Variants in LHFPL3 observed in about 807,000 individuals in gnomAD.
LHFPL3 encodes the protein LHFPL tetraspan subfamily member 3.
In LHFPL3, 5 loss-of-function variants were observed where a neutral mutation model predicts 19.3. That is an observed-to-expected ratio of 0.26 (90% CI 0.14 to 0.54). LHFPL3 has a LOEUF of 0.54. Among genes scored for constraint, LHFPL3 ranks in the 20% least tolerant of loss-of-function variants. LHFPL3 has a pLI of 0.94. For missense variants in LHFPL3, 249 were observed against 307.4 expected (o/e 0.81, Z 1.42); for synonymous variants, 133 against 126.2 (o/e 1.05, Z -0.36).
At chr7:104,516,136 G>A (rs889723268) in intron 1 of LHFPL3, among the ~76,000 whole-genome samples, 1 of 152,098 alleles carries the variant, frequency 6.6e-6, no homozygotes, top group Non-Finnish European at 1.5e-5. Flanking sequence ...GAGGCCTCAG[G>A]AAACTTACAA....
At chr7:104,821,748 T>G (rs988495193) in intron 2 of LHFPL3, among the ~76,000 whole-genome samples, 1 of 152,184 alleles carries the variant, frequency 6.6e-6, no homozygotes, top group African/African-American at 2.4e-5. Flanking sequence ...CAGTCAAAGT[T>G]TCTAGACTTG....
At chr7:104,869,865 G>C (rs1791798595) in intron 2 of LHFPL3, among the ~76,000 whole-genome samples, 1 of 152,132 alleles carries the variant, frequency 6.6e-6, no homozygotes. Flanking sequence ...TGGTAGACTG[G>C]ATTAAGAAAA....
intron 1 of LHFPL3, among the ~76,000 whole-genome samples, chr7:104,700,829 G>A (rs373381090): frequency 2.7e-4 from 41 of 151,970 alleles, no homozygotes; most frequent in African/African-American, 8.7e-4. Flanking sequence ...AGCATTGATC[G>A]CAGTATCTAT....
chr7:104,609,328 A>T (rs189361159), intron 1 of LHFPL3, among the ~76,000 whole-genome samples: 1 of 152,200 alleles, frequency 6.6e-6, no homozygotes, highest in Non-Finnish European at 1.5e-5. Flanking sequence ...GGGGATTTAA[A>T]CTCCTGTATT....
chr7:104,852,991 G>A (rs1333307841), intron 2 of LHFPL3, among the ~76,000 whole-genome samples: 1 of 152,202 alleles, frequency 6.6e-6, no homozygotes, highest in African/African-American at 2.4e-5. Flanking sequence ...GCCCGAGGCA[G>A]GAGTTTGGGC....
chr7:104,795,450 G>A (rs13243476), intron 2 of LHFPL3, among the ~76,000 whole-genome samples: 23,819 of 152,050 alleles, frequency 0.16, 2,244 homozygotes, highest in East Asian at 0.46. Context: ...TTAAGACAGC[G>A]ATTCTTCTAA....
intron 1 of LHFPL3, among the ~76,000 whole-genome samples, chr7:104,552,799 T>C (rs1794687957): frequency 6.6e-6 from 1 of 152,208 alleles, no homozygotes; most frequent in African/African-American, 2.4e-5. Flanking sequence ...ATGAAGAAAA[T>C]TGCTATCTCC....
chr7:104,329,483 G>C (rs1419861866), intron 1 of LHFPL3, among the ~76,000 whole-genome samples: 1 of 152,276 alleles, frequency 6.6e-6, no homozygotes, highest in African/African-American at 2.4e-5. Context: ...GGACGCCCCG[G>C]AGGCAGGGCG....
At chr7:104,559,588 G>A (rs1047994607) in intron 1 of LHFPL3, among the ~76,000 whole-genome samples, 26 of 152,172 alleles carry the variant, frequency 1.7e-4, no homozygotes, top group African/African-American at 3.4e-4. Context: ...GGGCTGAGAC[G>A]ATGGGGTTTT....
At chr7:104,775,629 A>T (rs1195156076) in intron 2 of LHFPL3, among the ~76,000 whole-genome samples, 1 of 152,184 alleles carries the variant, frequency 6.6e-6, no homozygotes, top group Non-Finnish European at 1.5e-5. Context: ...ATACCCTCTC[A>T]TGCCAGACTG....
intron 1 of LHFPL3, among the ~76,000 whole-genome samples, chr7:104,720,640 C>A (rs555165060): frequency 6.6e-6 from 1 of 152,116 alleles, no homozygotes; most frequent in African/African-American, 2.4e-5. Context: ...GCAATCTACT[C>A]ATCTGACAAA....
At chr7:104,695,596 T>C (rs1249628869) in intron 1 of LHFPL3, among the ~76,000 whole-genome samples, 1 of 152,210 alleles carries the variant, frequency 6.6e-6, no homozygotes, top group East Asian at 1.9e-4. Context: ...TGCATCTGTG[T>C]GTTTTAGACC....
intron 2 of LHFPL3, among the ~76,000 whole-genome samples, chr7:104,789,315 GA>G (rs375967518): frequency 5.3e-5 from 8 of 152,232 alleles, no homozygotes; most frequent in African/African-American, 1.9e-4. Flanking sequence ...GTGAGTATAA[GA>G]AGAGAACCTA....
intron 2 of LHFPL3, among the ~76,000 whole-genome samples, chr7:104,760,195 A>G (rs1252941190): frequency 1.3e-5 from 2 of 152,190 alleles, no homozygotes; most frequent in Non-Finnish European, 2.9e-5. Flanking sequence ...CCCCTGCTGT[A>G]TAGACTGAAT....
intron 1 of LHFPL3, among the ~76,000 whole-genome samples, chr7:104,387,033 C>A (rs920123769): frequency 1.3e-5 from 2 of 151,944 alleles, no homozygotes; most frequent in Non-Finnish European, 2.9e-5. Flanking sequence ...CCAGAGGAAG[C>A]CAAAATGTTG....
At chr7:104,593,552 G>C (rs36171167) in intron 1 of LHFPL3, among the ~76,000 whole-genome samples, 1 of 152,160 alleles carries the variant, frequency 6.6e-6, no homozygotes, top group South Asian at 2.1e-4. Flanking sequence ...ATGTCTATTA[G>C]GTCTGCTTGG....
chr7:104,470,765 A>G (rs1396178946), intron 1 of LHFPL3, among the ~76,000 whole-genome samples: 2 of 152,152 alleles, frequency 1.3e-5, no homozygotes, highest in African/African-American at 2.4e-5. Context: ...AAGCTCCAAC[A>G]TGACTACATG....
chr7:104,371,423 G>A (rs143713880), intron 1 of LHFPL3, among the ~76,000 whole-genome samples: 3 of 152,204 alleles, frequency 2.0e-5, no homozygotes, highest in African/African-American at 7.2e-5. Flanking sequence ...TTCTCTCATG[G>A]CAACAGGCTA....
At chr7:104,704,761 A>T (rs1280355485) in intron 1 of LHFPL3, among the ~76,000 whole-genome samples, 1 of 151,752 alleles carries the variant, frequency 6.6e-6, no homozygotes, top group Non-Finnish European at 1.5e-5. Context: ...TCAGCCTCCC[A>T]TGTAGCTGGG....
Sources: gnomAD v4.1 joint callset for allele counts (sites outside exome capture counted in the v4.1 genomes callset) on GRCh38, gnomAD v4.1.1 for gene constraint, MANE v1.5 for transcripts, NCBI Gene and HGNC (gene_info 2026-07-23, HGNC 2026-07-21) for gene names.